YAE1: variants seen among roughly 807,000 people sequenced by gnomAD.
YAE1 encodes protein YAE1 homolog.
In YAE1, 22 loss-of-function variants were observed where a neutral mutation model predicts 23.0. The observed-to-expected ratio is 0.96, with a 90% CI of 0.68 to 1.37. The LOEUF (loss-of-function observed/expected upper bound fraction) is 1.37. Ranked by LOEUF, YAE1 falls within the 40% of genes most tolerant of loss-of-function variation. YAE1 has a pLI of 0.00. For missense variants in YAE1, 260 were observed against 262.1 expected (o/e 0.99, Z 0.06); for synonymous variants, 101 against 97.0 (o/e 1.04, Z -0.24).
chr7:39,591,649 A>G (rs1407380684), intron 2 of YAE1, among the ~76,000 whole-genome samples: 2 of 151,238 alleles, frequency 1.3e-5, no homozygotes, highest in African/African-American at 4.9e-5. Flanking sequence ...ATTGGTACAT[A>G]TGTTACAATT....
Position 39,586,297 on chromosome 7 carries a change from C to T in YAE1, c.251+15670C>T, listed in dbSNP as rs574073972. Among the ~76,000 whole-genome samples the T allele has an allele frequency of 2.6e-5, 4 of 151,296 alleles. No homozygotes were observed. In the South Asian group the frequency reaches 6.3e-4, roughly 24 times the overall value. On this transcript the variant is annotated intron_variant, in intron 2 of 2. Transcript: ENST00000432096. ...ACGCCATTCTCCTGCCTCAGTCTCC[C>T]GAGTAGCTGGGACTACAGGCGCCTG...
chr7:39,609,493 G>A, intron 2 of YAE1: 1 of 1,334,752 alleles, frequency 7.5e-7, no homozygotes, highest in Non-Finnish European at 1.0e-6. Flanking sequence ...TTGTAACAGA[G>A]ACAAATCTTC....
At chr7:39,603,284 G>A (rs368986479) in intron 2 of YAE1, among the ~76,000 whole-genome samples, 11 of 152,088 alleles carry the variant, frequency 7.2e-5, no homozygotes, top group South Asian at 4.1e-4. Context: ...GACTACAGGC[G>A]CCCACCACCA....
chr7:39,609,749 GGAGCTC>G, exon 3 of YAE1: 1 of 1,535,184 alleles, frequency 6.5e-7, no homozygotes, highest in South Asian at 1.2e-5. Context: ...AGCAGCCCAC[GGAGCTC>G]GAGGCGACGC....
At chr7:39,605,790 C>T (rs1791121341) in intron 2 of YAE1, among the ~76,000 whole-genome samples, 2 of 152,126 alleles carry the variant, frequency 1.3e-5, no homozygotes, top group Non-Finnish European at 1.5e-5. Context: ...GAGAACTTCT[C>T]CCAAAGCAAG....
intron 2 of YAE1, among the ~76,000 whole-genome samples, chr7:39,584,622 G>A (rs908919895): frequency 6.6e-6 from 1 of 152,128 alleles, no homozygotes; most frequent in African/African-American, 2.4e-5. Context: ...CCAAAGAAGA[G>A]ACCTGGTGCC....
downstream of YAE1, among the ~76,000 whole-genome samples, chr7:39,577,101 G>C (rs1790666449): frequency 6.6e-6 from 1 of 152,024 alleles, no homozygotes; most frequent in African/African-American, 2.4e-5. Context: ...TCATCATGTT[G>C]GCCAGGCTGG....
At chr7:39,611,846 A>G (rs1791223965), downstream of YAE1, among the ~76,000 whole-genome samples, 1 of 152,200 alleles carries the variant, frequency 6.6e-6, no homozygotes, top group Non-Finnish European at 1.5e-5. Context: ...ATGAGGGCTT[A>G]TTTTGAAAAA....
At chr7:39,570,385 A>T (rs374997905) in intron 1 of YAE1, 121 bp from the exon 2 acceptor site, 4 of 1,133,116 alleles carry the variant, frequency 3.5e-6, no homozygotes, top group East Asian at 2.4e-5. Flanking sequence ...ATGCCATATT[A>T]TGGTCAGTAA....
exon 3 of YAE1, chr7:39,610,092 C>T: frequency 7.7e-7 from 1 of 1,290,472 alleles, no homozygotes; most frequent in Non-Finnish European, 1.0e-6. Context: ...GATGGACCAG[C>T]CCACCTTGGC....
At chr7:39,607,923 C>A (rs1028092358) in intron 2 of YAE1, among the ~76,000 whole-genome samples, 41 of 152,340 alleles carry the variant, frequency 2.7e-4, no homozygotes, top group African/African-American at 9.4e-4. Context: ...CCTGCCTTGG[C>A]CTCCCAAAGT....
At chr7:39,598,845 G>A (rs950471928) in intron 2 of YAE1, among the ~76,000 whole-genome samples, 1 of 151,084 alleles carries the variant, frequency 6.6e-6, no homozygotes, top group Admixed American at 6.6e-5. Flanking sequence ...GAAATTAGAC[G>A]ATAGGTATTA....
At chr7:39,594,013 T>A (rs1309870956) in intron 2 of YAE1, among the ~76,000 whole-genome samples, 1 of 152,230 alleles carries the variant, frequency 6.6e-6, no homozygotes, top group African/African-American at 2.4e-5. Context: ...CAGTGAATGA[T>A]AAATTGGAGA....
In YAE1 at chr7:39,572,712, C is replaced by T. The variant is rs1042867397; in HGVS notation, c.*6C>T. ...AACACCTCAAACAACTATAAAATTACCTTCCCTTTTCTAATGAAAATAATG... is the reference window on the plus strand; with the variant it reads ...AACACCTCAAACAACTATAAAATTATCTTCCCTTTTCTAATGAAAATAATG... On this transcript the variant is annotated 3_prime_UTR_variant, in exon 3 of 3. Transcript: ENST00000223273. 1 of 1,555,354 alleles carries T rather than the reference C, an allele frequency of 6.4e-7. No homozygotes were observed. Among genetic ancestry groups the T allele is most frequent in the African/African-American group, 1.4e-5 (1 of 72,334 alleles).
chr7:39,596,236 G>A (rs574489522), intron 2 of YAE1, among the ~76,000 whole-genome samples: 4 of 151,762 alleles, frequency 2.6e-5, no homozygotes, highest in Admixed American at 6.6e-5. Flanking sequence ...ACTCTGTCAC[G>A]CAGGCTGGGG....
chr7:39,603,243 A>T (rs1434833090), intron 2 of YAE1, among the ~76,000 whole-genome samples: 3 of 152,072 alleles, frequency 2.0e-5, no homozygotes, highest in Admixed American at 2.0e-4. Context: ...GGTTCACGCC[A>T]TTCTCCTGCG....
At chr7:39,579,966 G>C (rs1483385224) in intron 2 of YAE1, among the ~76,000 whole-genome samples, 3 of 151,948 alleles carry the variant, frequency 2.0e-5, no homozygotes, top group Non-Finnish European at 4.4e-5. Flanking sequence ...GATCACCTGA[G>C]CCCAGGAGCT....
rs1476419398 is a variant in YAE1, at chr7:39,570,610, A to G, written c.234A>G (p.Arg78=). The change falls in exon 2 of 3, where the codon CGA becomes CGG. Residue 78 remains arginine, a synonymous_variant. Transcript: ENST00000223273. ...KGAEVILNYG[R]LRGTLSALLS... is the part of the protein sequence containing the mutation. The stretch of plus-strand genomic sequence containing the variant: ...CAGAAGTCATTTTAAACTATGGACG[A>G]CTCCGAGGAACATTGAGGTAATTTT... 1 of 1,596,464 alleles carries G rather than the reference A, an allele frequency of 6.3e-7. No homozygotes were observed. Among genetic ancestry groups the G allele is most frequent in the African/African-American group, 1.4e-5 (1 of 73,420 alleles).
chr7:39,597,936 A>G (rs1184676526), intron 2 of YAE1, among the ~76,000 whole-genome samples: 2 of 152,156 alleles, frequency 1.3e-5, no homozygotes, highest in African/African-American at 4.8e-5. Flanking sequence ...ATGGGGAGGA[A>G]AGAAGTGAGA....
Sources: allele counts gnomAD v4.1 joint callset (sites outside exome capture counted in the v4.1 genomes callset), GRCh38; gene constraint gnomAD v4.1.1; transcripts MANE v1.5; gene names NCBI Gene and HGNC (gene_info 2026-07-23, HGNC 2026-07-21).